The following RGS7BP variants were observed in gnomAD, a reference collection of about 807,000 sequenced individuals.
The protein encoded by RGS7BP is regulator of G protein signaling 7 binding protein.
Under a neutral mutation model 31.3 loss-of-function variants are expected in RGS7BP, and 9 were observed. That is an observed-to-expected ratio of 0.29 (90% CI 0.17 to 0.50). The LOEUF (loss-of-function observed/expected upper bound fraction) is 0.50. Ranked by LOEUF, RGS7BP falls within the 20% of genes least tolerant of loss-of-function variation. The pLI is 0.98. For synonymous variants in RGS7BP, 115 were observed against 120.1 expected (o/e 0.96, Z 0.28); for missense variants, 274 against 322.0 (o/e 0.85, Z 1.14).
At chr5:64,586,316 G>A (rs114143032) in intron 3 of RGS7BP, among the ~76,000 whole-genome samples, 1,857 of 151,894 alleles carry the variant, frequency 0.012, 27 homozygotes, top group African/African-American at 0.038. Context: ...TCCCCACCTC[G>A]CCTGCCCTTA....
At chr5:64,509,405 C>CT (rs376499237) in intron 2 of RGS7BP, among the ~76,000 whole-genome samples, 22 of 152,126 alleles carry the variant, frequency 1.4e-4, no homozygotes, top group African/African-American at 5.3e-4. Flanking sequence ...AGAACATGTT[C>CT]TAATCAGAGA....
intron 2 of RGS7BP, among the ~76,000 whole-genome samples, chr5:64,540,349 ATAAG>A (rs1180536567): frequency 1.3e-5 from 2 of 152,200 alleles, no homozygotes; most frequent in African/African-American, 4.8e-5. Context: ...TAACAGTATA[ATAAG>A]TAATTTGCCA....
At chr5:64,604,446 T>C (rs1038533981) in intron 5 of RGS7BP, among the ~76,000 whole-genome samples, 2 of 152,118 alleles carry the variant, frequency 1.3e-5, no homozygotes, top group African/African-American at 4.8e-5. Context: ...GGGACTATCT[T>C]TCTATTAGGA....
intron 2 of RGS7BP, among the ~76,000 whole-genome samples, chr5:64,539,957 G>T (rs747052040): frequency 2.0e-5 from 3 of 152,012 alleles, no homozygotes; most frequent in South Asian, 2.1e-4. Flanking sequence ...TCTGTTCTTC[G>T]TTCAACTGAT....
rs1449142365 is a variant in RGS7BP, at chr5:64,610,478, T to C, written c.*1226T>C. Reference sequence around the variant, plus strand: ...GGGTTGAGAGATCAAGTCTTTGCACTTTTTTTCTTGTTTTCCATAGTCTGA... The same window carrying C: ...GGGTTGAGAGATCAAGTCTTTGCACCTTTTTTCTTGTTTTCCATAGTCTGA... On this transcript the variant is annotated 3_prime_UTR_variant, in exon 6 of 6. Transcript: ENST00000334025. 6.6e-6 allele frequency: 1 copy of C among 151,908 alleles called. No homozygotes were observed. Among genetic ancestry groups the C allele is most frequent in the Non-Finnish European group, 1.5e-5 (1 of 67,910 alleles). 9.4% of individuals were successfully genotyped at this position (151,908 alleles called of 1,614,324 possible). A position where few individuals can be genotyped will look rare whatever the true frequency, so the allele number is the denominator to read the frequency against.
At chr5:64,573,620 T>C (rs1742351242) in intron 2 of RGS7BP, 1 of 150,752 alleles carries the variant, frequency 6.6e-6, no homozygotes, top group Non-Finnish European at 1.5e-5. Context: ...AAGATTAGCA[T>C]GGCCCCTAAG....
chr5:64,516,172 T>C (rs1432319989), intron 2 of RGS7BP, among the ~76,000 whole-genome samples: 2 of 152,126 alleles, frequency 1.3e-5, no homozygotes, highest in African/African-American at 4.8e-5. Context: ...AATTTAACAT[T>C]TGCAGCTGTA....
chr5:64,603,743 G>A (rs374652235), intron 5 of RGS7BP, among the ~76,000 whole-genome samples: 4 of 152,132 alleles, frequency 2.6e-5, no homozygotes, highest in African/African-American at 9.7e-5. Flanking sequence ...TAAGGAGGAG[G>A]GGAAGTGAAT....
At chr5:64,517,167 T>C (rs1321983355) in intron 2 of RGS7BP, among the ~76,000 whole-genome samples, 1 of 152,066 alleles carries the variant, frequency 6.6e-6, no homozygotes, top group East Asian at 1.9e-4. Context: ...ATCTCAGCCA[T>C]CAGTCCATGT....
At chr5:64,533,692 T>G (rs1749431520) in intron 2 of RGS7BP, among the ~76,000 whole-genome samples, 4 of 152,212 alleles carry the variant, frequency 2.6e-5, no homozygotes, top group Admixed American at 1.3e-4. Flanking sequence ...TAACAACAAT[T>G]TCACATACAT....
At chr5:64,600,867 A>G (rs1743199722) in intron 5 of RGS7BP, among the ~76,000 whole-genome samples, 1 of 152,210 alleles carries the variant, frequency 6.6e-6, no homozygotes, top group Non-Finnish European at 1.5e-5. Flanking sequence ...TGGAGGATCC[A>G]GAGGAAACCT....
At position 64,517,309 on chromosome 5, in the gene RGS7BP, A is replaced by G. The variant is rs561571112; in HGVS notation, c.332+9432A>G. Among the ~76,000 whole-genome samples the G allele has an allele frequency of 2.1e-3, 316 of 152,326 alleles. 1 individual carries two copies. The highest frequency in any genetic ancestry group is 3.8e-3 in the Non-Finnish European group (261 of 68,012). Reference sequence around the variant, plus strand: ...ATGGTCACACCTAATTGCAAGCAAGACTTGGGAATACAGTCTTTTTTCATT... The same window carrying G: ...ATGGTCACACCTAATTGCAAGCAAGGCTTGGGAATACAGTCTTTTTTCATT... On this transcript the variant is annotated intron_variant, in intron 2 of 5. Transcript: ENST00000334025.
intron 2 of RGS7BP, among the ~76,000 whole-genome samples, chr5:64,541,814 A>G (rs1741532791): frequency 6.6e-6 from 1 of 152,128 alleles, no homozygotes; most frequent in South Asian, 2.1e-4. Context: ...CATTGCAAAT[A>G]CATTCCCCCA....
At chr5:64,523,535 G>T (rs1749161267) in intron 2 of RGS7BP, among the ~76,000 whole-genome samples, 1 of 152,194 alleles carries the variant, frequency 6.6e-6, no homozygotes, top group South Asian at 2.1e-4. Flanking sequence ...AACAATTAAA[G>T]AAATGCCTGA....
intron 2 of RGS7BP, among the ~76,000 whole-genome samples, chr5:64,520,286 A>T (rs1005165295): frequency 1.3e-5 from 2 of 152,018 alleles, no homozygotes; most frequent in Non-Finnish European, 2.9e-5. Flanking sequence ...CTACTGCCAC[A>T]AACTATTATT....
chr5:64,528,203 T>C (rs1306974502), intron 2 of RGS7BP, among the ~76,000 whole-genome samples: 1 of 152,170 alleles, frequency 6.6e-6, no homozygotes, highest in Non-Finnish European at 1.5e-5. Flanking sequence ...TTCTGGGTCC[T>C]GGCGGGGCTG....
Position 64,576,544 on chromosome 5 carries a change from C to A in RGS7BP, c.463+640C>A, listed in dbSNP as rs567151330. 5.3e-5 allele frequency among the ~76,000 whole-genome samples: 8 copies of A among 152,336 alleles called. No individual in the cohort carries two copies. In the East Asian group the frequency reaches 1.5e-3, roughly 29 times the overall value. On this transcript the variant is annotated intron_variant, in intron 3 of 5. Transcript: ENST00000334025. The stretch of plus-strand genomic sequence containing the variant: ...ACTGCAGCAGTTGCAGTGAACACAT[C>A]TGCACACCACACTGTCCTCTAAGAG...
chr5:64,597,663 G>C (rs1261782108), intron 4 of RGS7BP, among the ~76,000 whole-genome samples: 1 of 151,492 alleles, frequency 6.6e-6, no homozygotes, highest in East Asian at 2.0e-4. Context: ...AAACAAAATA[G>C]CACATGTTCT....
intron 2 of RGS7BP, among the ~76,000 whole-genome samples, chr5:64,532,438 A>G (rs1250433550): frequency 1.3e-5 from 2 of 152,170 alleles, no homozygotes; most frequent in Non-Finnish European, 2.9e-5. Context: ...TAGAAAGAGC[A>G]TTTATTCTTA....
Sources: gnomAD v4.1 joint callset for allele counts (sites outside exome capture counted in the v4.1 genomes callset) on GRCh38, gnomAD v4.1.1 for gene constraint, MANE v1.5 for transcripts, NCBI Gene and HGNC (gene_info 2026-07-23, HGNC 2026-07-21) for gene names.